GNG7: variants seen among roughly 807,000 people sequenced by gnomAD.
GNG7 encodes the protein G protein subunit gamma 7, also known as guanine nucleotide-binding protein G(I)/G(S)/G(O) subunit gamma-7.
A neutral mutation model predicts 4.0 loss-of-function variants in GNG7; 1 was observed. The ratio of observed to expected loss-of-function variants is 0.25; its 90% CI spans 0.09 to 1.18. The LOEUF is 1.18. Among genes scored for constraint, GNG7 ranks in the 50% most tolerant of loss-of-function variants. GNG7 has a pLI of 0.50. For missense variants in GNG7, 86 were observed against 91.9 expected (o/e 0.94, Z 0.26); for synonymous variants, 34 against 36.9 (o/e 0.92, Z 0.29).
chr19:2,515,669 G>T (rs1412983755), intron 4 of GNG7, among the ~76,000 whole-genome samples: 1 of 151,754 alleles, frequency 6.6e-6, no homozygotes, highest in Non-Finnish European at 1.5e-5. Flanking sequence ...CTCGCGATAT[G>T]CCTGCCTCAG....
chr19:2,568,783 TAC>T (rs1231967525), intron 2 of GNG7, among the ~76,000 whole-genome samples: 5 of 141,146 alleles, frequency 3.5e-5, no homozygotes, highest in Admixed American at 6.9e-5. Flanking sequence ...TAAATACACA[TAC>T]ACACATATAC....
At chr19:2,632,476 ACACACACACACAC>A (rs1982188038) in intron 2 of GNG7, 1 of 96,564 alleles carries the variant, frequency 1.0e-5, no homozygotes, top group Non-Finnish European at 2.4e-5. Context: ...AACAAAACTC[ACACACACACACAC>A]ACACACACAC....
At chr19:2,613,837 C>A (rs1568263094) in intron 2 of GNG7, among the ~76,000 whole-genome samples, 1 of 152,090 alleles carries the variant, frequency 6.6e-6, no homozygotes, top group Non-Finnish European at 1.5e-5. Context: ...CAGGAGAGAT[C>A]CTGATTTAAT....
intron 1 of GNG7, among the ~76,000 whole-genome samples, chr19:2,667,459 AC>A (rs1220717284): frequency 3.9e-5 from 6 of 151,900 alleles, no homozygotes; most frequent in Non-Finnish European, 7.4e-5. Context: ...TCGCCAGAAA[AC>A]CTCGGCTGCA....
rs57116227 is a variant in GNG7 at position 2,546,492 on chromosome 19, C to A, written c.-38+8657G>T. Reference sequence around the variant, plus strand: ...GGGCCGCACTGGCTGGAAAATAGTGCCTTGTGACTGTCCCTGTCAGTGTGG... The same window carrying A: ...GGGCCGCACTGGCTGGAAAATAGTGACTTGTGACTGTCCCTGTCAGTGTGG... On this transcript the variant is annotated intron_variant, in intron 3 of 4. Transcript: ENST00000382159. The surrounding 1 kb of genome is among the most constrained non-coding windows in gnomAD (Gnocchi z 6.3). 7.2e-5 allele frequency among the ~76,000 whole-genome samples: 11 copies of A among 152,354 alleles called. No individual in the cohort carries two copies. In the East Asian group the frequency reaches 1.9e-3, roughly 27 times the overall value.
chr19:2,672,193 A>G (rs1459442139), intron 1 of GNG7, among the ~76,000 whole-genome samples: 1 of 151,896 alleles, frequency 6.6e-6, no homozygotes, highest in African/African-American at 2.4e-5. Flanking sequence ...ACCTGCCACC[A>G]TACCCAGCTA....
At chr19:2,655,535 T>C (rs921051234) in intron 1 of GNG7, among the ~76,000 whole-genome samples, 14 of 150,698 alleles carry the variant, frequency 9.3e-5, no homozygotes, top group African/African-American at 3.4e-4. Context: ...AAACTCTGTC[T>C]CTACTAAAAA....
Position 2,617,091 on chromosome 19 carries a change from G to A in GNG7, c.-78+29133C>T, listed in dbSNP as rs896781949. On this transcript the variant is annotated intron_variant, in intron 2 of 4. Transcript: ENST00000382159. This position sits in a 1 kb window ranked among gnomAD's most constrained non-coding sequence, Gnocchi z 4.7. ...GCTTATTTCAGCCTAATTACATTCC[G>A]TTAACCCAAAGTCTCTGACGTTCAG... Among the ~76,000 whole-genome samples the A allele has an allele frequency of 1.3e-5, 2 of 152,194 alleles. No individual in the cohort carries two copies. The highest frequency in any genetic ancestry group is 4.8e-5 in the African/African-American group (2 of 41,444).
At chr19:2,602,947 CTTTCT>C (rs1429774942) in intron 2 of GNG7, among the ~76,000 whole-genome samples, 1 of 148,826 alleles carries the variant, frequency 6.7e-6, no homozygotes, top group Non-Finnish European at 1.5e-5. Flanking sequence ...TTCTTCCTTT[CTTTCT>C]TTTCTTTCTC....
chr19:2,645,004 C>T (rs1451476190), intron 2 of GNG7, among the ~76,000 whole-genome samples: 2 of 152,168 alleles, frequency 1.3e-5, no homozygotes, highest in Non-Finnish European at 2.9e-5. Context: ...TTATACTGGG[C>T]TTAGCTAAAA....
intron 2 of GNG7, chr19:2,642,488 C>A: frequency 2.9e-6 from 1 of 344,876 alleles, no homozygotes; most frequent in South Asian, 2.3e-5. Context: ...ACCTCAGCCT[C>A]TTCAGTAGCT....
chr19:2,698,180 T>C (rs1389569797), intron 1 of GNG7, among the ~76,000 whole-genome samples: 3 of 150,720 alleles, frequency 2.0e-5, no homozygotes, highest in African/African-American at 7.4e-5. Flanking sequence ...GGCAGGAGAA[T>C]GGCTTGAACC....
intron 4 of GNG7, among the ~76,000 whole-genome samples, chr19:2,517,963 G>C (rs531602007): frequency 6.6e-6 from 1 of 152,184 alleles, no homozygotes; most frequent in Non-Finnish European, 1.5e-5. Context: ...GAGTGAGCCC[G>C]CCGGCTGCGG....
At chr19:2,628,877 C>T (rs1039503625) in intron 2 of GNG7, among the ~76,000 whole-genome samples, 2 of 152,154 alleles carry the variant, frequency 1.3e-5, no homozygotes, top group East Asian at 1.9e-4. Flanking sequence ...ACCGAACACA[C>T]GACCTAACTG....
Position 2,617,154 on chromosome 19 carries a change from A to G in GNG7, c.-78+29070T>C, listed in dbSNP as rs1212533670. Among the ~76,000 whole-genome samples the G allele has an allele frequency of 6.6e-6, 1 of 152,160 alleles. No individual in the cohort carries two copies. Among genetic ancestry groups the G allele is most frequent in the Non-Finnish European group, 1.5e-5 (1 of 68,032 alleles). On this transcript the variant is annotated intron_variant, in intron 2 of 4. Transcript: ENST00000382159. The surrounding 1 kb of genome is among the most constrained non-coding windows in gnomAD (Gnocchi z 4.7). ...CTCTGGGATGGGGCCATCCTGGTGCACTGCAGGGTGCTGAGTGGCGTCCCT... is the reference window on the plus strand; with the variant it reads ...CTCTGGGATGGGGCCATCCTGGTGCGCTGCAGGGTGCTGAGTGGCGTCCCT...
intron 2 of GNG7, among the ~76,000 whole-genome samples, chr19:2,589,172 C>A (rs950805807): frequency 6.6e-6 from 1 of 151,960 alleles, no homozygotes; most frequent in East Asian, 1.9e-4. Flanking sequence ...AGGTGATCCG[C>A]CTGCCTCAGC....
intron 2 of GNG7, among the ~76,000 whole-genome samples, chr19:2,556,064 C>T (rs1260194503): frequency 1.3e-5 from 2 of 152,258 alleles, no homozygotes; most frequent in African/African-American, 2.4e-5. Flanking sequence ...CCTCCTATTT[C>T]GTGGACAAGG....
intron 2 of GNG7, chr19:2,631,959 C>G (rs1250445750): frequency 6.6e-6 from 1 of 152,208 alleles, no homozygotes; most frequent in Non-Finnish European, 1.5e-5. Context: ...CCAAGGCAGA[C>G]TACAGCATTT....
Position 2,516,862 on chromosome 19 carries a change from G to GCTT in GNG7, c.82-1716_82-1715insAAG, listed in dbSNP as rs1421267172. 7.2e-5 allele frequency: 11 copies of GCTT among 152,554 alleles called. No homozygotes were observed. In the East Asian group the frequency reaches 1.9e-3, roughly 27 times the overall value. 9.5% of individuals were successfully genotyped at this position (152,554 alleles called of 1,614,324 possible). A position where few individuals can be genotyped will look rare whatever the true frequency, so the allele number is the denominator to read the frequency against. On this transcript the variant is annotated intron_variant, in intron 4 of 4. Coordinates refer to ENST00000382159, the MANE Select transcript of GNG7 (RefSeq NM_052847.3). ...GAGGGACCCCCTGCCCCGGGCTGCT[G>GCTT]CCAGCCCGCCCCAGGCTACACGCCC... is the stretch of plus-strand genomic sequence containing the variant.
Sources: gnomAD v4.1 joint callset for allele counts (sites outside exome capture counted in the v4.1 genomes callset) on GRCh38, gnomAD v4.1.1 for gene constraint, Gnocchi (gnomAD v3.1) non-coding constraint, MANE v1.5 for transcripts, NCBI Gene and HGNC (gene_info 2026-07-23, HGNC 2026-07-21) for gene names.